The following ADCY2 variants were observed in gnomAD, a reference collection of about 807,000 sequenced individuals.
ADCY2 encodes the protein adenylate cyclase 2, also known as adenylate cyclase type 2.
In ADCY2, 31 loss-of-function variants were observed where a neutral mutation model predicts 125.2. The observed-to-expected ratio is 0.25, with a 90% CI of 0.19 to 0.33. ADCY2 has a LOEUF of 0.33. ADCY2 is among the 10% of genes least tolerant of loss of function. The pLI is 1.00. For synonymous variants in ADCY2, 512 were observed against 548.4 expected (o/e 0.93, Z 0.93); for missense variants, 904 against 1,418.2 (o/e 0.64, Z 5.82).
intron 4 of ADCY2, among the ~76,000 whole-genome samples, chr5:7,671,674 C>A (rs1319138747): frequency 6.6e-6 from 1 of 152,162 alleles, no homozygotes; most frequent in African/African-American, 2.4e-5. Flanking sequence ...ACACAAATTA[C>A]TGGTTGCCAC....
At chr5:7,779,442 A>G (rs892929408) in intron 18 of ADCY2, among the ~76,000 whole-genome samples, 2 of 152,178 alleles carry the variant, frequency 1.3e-5, no homozygotes, top group Non-Finnish European at 2.9e-5. Context: ...GCCCCGCCCA[A>G]CCACATCAGA....
At chr5:7,824,184 G>C (rs759571106) in intron 24 of ADCY2, among the ~76,000 whole-genome samples, 19 of 152,032 alleles carry the variant, frequency 1.2e-4, no homozygotes, top group Admixed American at 6.5e-5. Flanking sequence ...CCTGAGGAAC[G>C]GGTTCTTTTT....
intron 2 of ADCY2, among the ~76,000 whole-genome samples, chr5:7,504,863 G>A (rs1185695310): frequency 6.6e-6 from 1 of 151,652 alleles, no homozygotes; most frequent in Non-Finnish European, 1.5e-5. Context: ...ACTGCATTCA[G>A]AGGAAGAGAG....
chr5:7,784,410 C>T lies in ADCY2; in HGVS notation c.2430C>T (p.Leu810=), dbSNP rs758291751. ...KDLKTMGSVS[L]SIFFITLLVL... is the part of the protein sequence containing the mutation. ...TGAAGACCATGGGCTCTGTGTCTCT[C>T]TCTATATTCTTCATCACACTGCTTG... The change falls in exon 19 of 25, where the codon CTC becomes CTT. Residue 810 remains leucine, a synonymous_variant. Coordinates refer to ENST00000338316, the MANE Select transcript of ADCY2 (RefSeq NM_020546.3). 3.1e-6 allele frequency: 5 copies of T among 1,613,986 alleles called. No homozygotes were observed. In the Admixed American group the frequency reaches 8.3e-5, roughly 27 times the overall value.
At chr5:7,769,285 T>A (rs1224298191) in intron 17 of ADCY2, among the ~76,000 whole-genome samples, 1 of 152,148 alleles carries the variant, frequency 6.6e-6, no homozygotes, top group African/African-American at 2.4e-5. Context: ...AAAATGCAAA[T>A]TTTAAAATAC....
intron 8 of ADCY2, 67 bp from the exon 9 acceptor site, chr5:7,707,639 C>A: frequency 6.4e-7 from 1 of 1,558,958 alleles, no homozygotes; most frequent in Non-Finnish European, 8.7e-7. Context: ...AAATCATGAG[C>A]AAATAGAAAC....
chr5:7,708,964 AT>A (rs1204096623), intron 9 of ADCY2, among the ~76,000 whole-genome samples: 1 of 152,208 alleles, frequency 6.6e-6, no homozygotes, highest in African/African-American at 2.4e-5. Flanking sequence ...TTAATAAAAA[AT>A]GTCCATTAAC....
intron 24 of ADCY2, among the ~76,000 whole-genome samples, chr5:7,825,163 C>T (rs529354810): frequency 5.5e-4 from 81 of 148,234 alleles, no homozygotes; most frequent in African/African-American, 2.0e-3. Flanking sequence ...CTGTGTGCCA[C>T]GACAACGCTG....
chr5:7,657,473 A>T (rs1265992834), intron 4 of ADCY2, among the ~76,000 whole-genome samples: 1 of 152,208 alleles, frequency 6.6e-6, no homozygotes, highest in East Asian at 1.9e-4. Flanking sequence ...AGTGACATGA[A>T]GTGATGATCA....
At chr5:7,432,389 G>A (rs555081453) in intron 2 of ADCY2, among the ~76,000 whole-genome samples, 22 of 152,214 alleles carry the variant, frequency 1.4e-4, no homozygotes, top group Non-Finnish European at 2.9e-4. Flanking sequence ...AGCTAAAAGA[G>A]CACTGGATGT....
chr5:7,511,365 G>A (rs763629448), intron 2 of ADCY2, among the ~76,000 whole-genome samples: 2 of 152,136 alleles, frequency 1.3e-5, no homozygotes, highest in Non-Finnish European at 2.9e-5. Context: ...CACGAGGTCA[G>A]GAGATCGAGA....
At chr5:7,581,520 A>G (rs113678149) in intron 3 of ADCY2, among the ~76,000 whole-genome samples, 1 of 109,374 alleles carries the variant, frequency 9.1e-6, no homozygotes, top group East Asian at 2.5e-4. Flanking sequence ...CAGAAGGAAA[A>G]AGTAGAGAAA....
At chr5:7,488,842 C>G (rs1251508169) in intron 2 of ADCY2, among the ~76,000 whole-genome samples, 1 of 151,972 alleles carries the variant, frequency 6.6e-6, no homozygotes, top group Admixed American at 6.6e-5. Context: ...ACCAAGATTC[C>G]TGGGAGAGGT....
chr5:7,465,099 C>A (rs566993324), intron 2 of ADCY2, among the ~76,000 whole-genome samples: 2 of 152,128 alleles, frequency 1.3e-5, no homozygotes, highest in Admixed American at 6.5e-5. Flanking sequence ...GGGAACCACC[C>A]CCATGATTCA....
At chr5:7,462,639 T>G (rs183079166) in intron 2 of ADCY2, among the ~76,000 whole-genome samples, 320 of 152,368 alleles carry the variant, frequency 2.1e-3, no homozygotes, top group African/African-American at 7.5e-3. Context: ...ACCTAAAGAT[T>G]TGGAACTACC....
intron 22 of ADCY2, among the ~76,000 whole-genome samples, chr5:7,816,439 A>G (rs1362040868): frequency 6.6e-6 from 1 of 152,212 alleles, no homozygotes; most frequent in Non-Finnish European, 1.5e-5. Flanking sequence ...CAGCCCAAGG[A>G]CAAGGAGCGG....
chr5:7,414,260 T>C (rs10512923), intron 1 of ADCY2, among the ~76,000 whole-genome samples: 164 of 152,354 alleles, frequency 1.1e-3, no homozygotes, highest in African/African-American at 3.8e-3. Flanking sequence ...TATTTTCTCC[T>C]GGCATTAATG....
At chr5:7,402,116 C>G (rs904861126) in intron 1 of ADCY2, among the ~76,000 whole-genome samples, 1 of 152,182 alleles carries the variant, frequency 6.6e-6, no homozygotes, top group Non-Finnish European at 1.5e-5. Context: ...GGCAAGCTAT[C>G]ATCATTATCA....
chr5:7,665,377 A>T (rs79204109), intron 4 of ADCY2, among the ~76,000 whole-genome samples: 1,848 of 152,062 alleles, frequency 0.012, 33 homozygotes, highest in African/African-American at 0.032. Context: ...GGCCTTTCCC[A>T]TTGGGAACTC....
Sources: gnomAD v4.1 joint callset for allele counts (sites outside exome capture counted in the v4.1 genomes callset) on GRCh38, gnomAD v4.1.1 for gene constraint, MANE v1.5 for transcripts, NCBI Gene and HGNC (gene_info 2026-07-23, HGNC 2026-07-21) for gene names.